Variants in ARRB1 observed in about 807,000 individuals in gnomAD.
The protein encoded by ARRB1 is arrestin beta 1.
In ARRB1, 21 loss-of-function variants were observed where a neutral mutation model predicts 56.8. That is an observed-to-expected ratio of 0.37 (90% CI 0.26 to 0.53). The LOEUF (loss-of-function observed/expected upper bound fraction) is 0.53. Ranked by LOEUF, ARRB1 falls within the 20% of genes least tolerant of loss-of-function variation. The pLI, the probability that ARRB1 is intolerant of heterozygous loss-of-function variation, is 0.88. For missense variants in ARRB1, 424 were observed against 553.7 expected (o/e 0.77, Z 2.35); for synonymous variants, 210 against 218.6 (o/e 0.96, Z 0.35).
At chr11:75,298,186 A>G (rs537113053) in intron 1 of ARRB1, among the ~76,000 whole-genome samples, 148 of 151,914 alleles carry the variant, frequency 9.7e-4, no homozygotes, top group Non-Finnish European at 1.6e-3. Flanking sequence ...GCACATGTAT[A>G]CATATGTAAC....
At position 75,262,819 on chromosome 11, in the gene ARRB1, A is replaced by G. The variant is rs865803347; in HGVS notation, c.*3344T>C. 4.6e-5 allele frequency among the ~76,000 whole-genome samples: 7 copies of G among 152,174 alleles called. No individual in the cohort carries two copies. Among genetic ancestry groups the G allele is most frequent in the African/African-American group, 1.7e-4 (7 of 41,432 alleles). On this transcript the variant is annotated 3_prime_UTR_variant, in exon 16 of 16. Transcript: ENST00000420843. ...AGTTCCTTTCACTGCACCATGTAGG[A>G]ACCAGCTTGTCAGGAACTCTCCCAC...
At chr11:75,299,447 GAA>G (rs775099506) in intron 1 of ARRB1, among the ~76,000 whole-genome samples, 1 of 138,350 alleles carries the variant, frequency 7.2e-6, no homozygotes. Flanking sequence ...GAGAATCTAG[GAA>G]AAAAAAAAAA....
At chr11:75,319,465 T>C (rs1358131945) in intron 1 of ARRB1, among the ~76,000 whole-genome samples, 1 of 152,230 alleles carries the variant, frequency 6.6e-6, no homozygotes, top group African/African-American at 2.4e-5. Context: ...AGGCTGCTCC[T>C]GCCTGGAATG....
chr11:75,327,272 A>G (rs1947451891), intron 1 of ARRB1, among the ~76,000 whole-genome samples: 1 of 137,802 alleles, frequency 7.3e-6, no homozygotes, highest in Non-Finnish European at 1.5e-5. Flanking sequence ...ACTGCACTCC[A>G]GCCTGGGTGA....
chr11:75,342,271 C>T (rs1424135155), intron 1 of ARRB1, among the ~76,000 whole-genome samples: 3 of 152,170 alleles, frequency 2.0e-5, no homozygotes, highest in African/African-American at 7.2e-5. Flanking sequence ...CCCTGCTCTG[C>T]AGACCCATTT....
At chr11:75,329,613 G>A (rs780409676) in intron 1 of ARRB1, among the ~76,000 whole-genome samples, 4 of 152,088 alleles carry the variant, frequency 2.6e-5, no homozygotes, top group South Asian at 2.1e-4. Flanking sequence ...GGCCTTTCAC[G>A]AAACCACCTT....
In ARRB1 at chr11:75,277,470, G is replaced by A. The variant is rs113495664; in HGVS notation, c.619-22C>T. The A allele has an allele frequency of 4.2e-5, 67 of 1,607,270 alleles. 1 individual carries two copies. Among genetic ancestry groups the A allele is most frequent in the African/African-American group, 2.9e-4 (22 of 74,882 alleles). On this transcript the variant is annotated intron_variant, in intron 8 of 15. Transcript: ENST00000420843. ...AGATCTGGGGGGCATAAGAAGGGAC[G>A]GGGTTGGCTGGGAGGACAGCAAGGT... is the stretch of plus-strand genomic sequence containing the variant.
intron 1 of ARRB1, among the ~76,000 whole-genome samples, chr11:75,336,511 C>T (rs185716088): frequency 1.3e-5 from 2 of 152,250 alleles, no homozygotes; most frequent in East Asian, 1.9e-4. Context: ...TTGCTTAATT[C>T]GTGGATATAC....
At chr11:75,300,598 G>A (rs1216385927) in intron 1 of ARRB1, among the ~76,000 whole-genome samples, 3 of 152,202 alleles carry the variant, frequency 2.0e-5, no homozygotes, top group South Asian at 4.1e-4. Context: ...TTGGGAGGCC[G>A]AGGTGGGCGG....
intron 2 of ARRB1, 38 bp from the exon 3 acceptor site, chr11:75,287,413 G>A (rs372961984): frequency 3.9e-6 from 6 of 1,549,250 alleles, no homozygotes; most frequent in Non-Finnish European, 4.4e-6. Context: ...AGCAGCTGCA[G>A]GCCCAGAGGA....
intron 13 of ARRB1, chr11:75,269,252 G>A: frequency 1.6e-6 from 1 of 635,112 alleles, no homozygotes. Flanking sequence ...GATTGCCCGG[G>A]GCAGCATGCA....
intron 1 of ARRB1, chr11:75,312,261 A>G (rs1198168017): frequency 1.2e-6 from 1 of 802,472 alleles, no homozygotes; most frequent in African/African-American, 1.8e-5. Flanking sequence ...GCCCCTGGGA[A>G]GGAGTGGGAG....
At chr11:75,280,980 C>T in intron 7 of ARRB1, 95 bp downstream of exon 7, 2 of 1,412,660 alleles carry the variant, frequency 1.4e-6, no homozygotes, top group Non-Finnish European at 2.0e-6. Flanking sequence ...TCCTCACACA[C>T]TTCCAGGTAT....
chr11:75,333,303 C>G (rs1234664100), intron 1 of ARRB1, among the ~76,000 whole-genome samples: 1 of 152,236 alleles, frequency 6.6e-6, no homozygotes, highest in Non-Finnish European at 1.5e-5. Flanking sequence ...AGTGCTCTGG[C>G]AGGAGCACAC....
At chr11:75,291,150 A>C (rs1446238295) in intron 1 of ARRB1, among the ~76,000 whole-genome samples, 1 of 152,056 alleles carries the variant, frequency 6.6e-6, no homozygotes, top group Non-Finnish European at 1.5e-5. Flanking sequence ...CAGCCTAACT[A>C]ATGTGGTGAA....
chr11:75,280,045 T>C (rs1008479848), intron 7 of ARRB1, among the ~76,000 whole-genome samples: 1 of 152,186 alleles, frequency 6.6e-6, no homozygotes, highest in African/African-American at 2.4e-5. Context: ...GTCTGGCACC[T>C]AATCAGCCCT....
chr11:75,289,197 C>T (rs986021314), intron 2 of ARRB1, among the ~76,000 whole-genome samples: 5 of 152,168 alleles, frequency 3.3e-5, no homozygotes, highest in African/African-American at 4.8e-5. Flanking sequence ...ACAGTGTTCC[C>T]GTGACCAGCC....
At chr11:75,316,446 G>GC (rs1716674535) in intron 1 of ARRB1, among the ~76,000 whole-genome samples, 1 of 152,186 alleles carries the variant, frequency 6.6e-6, no homozygotes, top group South Asian at 2.1e-4. Flanking sequence ...AGCAGAGTGA[G>GC]CCTAGGCTAG....
intron 1 of ARRB1, among the ~76,000 whole-genome samples, chr11:75,345,975 A>C (rs191506117): frequency 6.6e-6 from 1 of 152,270 alleles, no homozygotes; most frequent in Admixed American, 6.5e-5. Context: ...CTGAACCACA[A>C]GCTGCTTACC....
Sources: allele counts gnomAD v4.1 joint callset (sites outside exome capture counted in the v4.1 genomes callset), GRCh38; gene constraint gnomAD v4.1.1; transcripts MANE v1.5; gene names NCBI Gene and HGNC (gene_info 2026-07-23, HGNC 2026-07-21).